The following RPRD2 variants were observed in gnomAD, a reference collection of about 807,000 sequenced individuals.
RPRD2 encodes the protein regulation of nuclear pre-mRNA domain containing 2.
Under a neutral mutation model 104.4 loss-of-function variants are expected in RPRD2, and 12 were observed. The observed-to-expected ratio is 0.11, with a 90% CI of 0.07 to 0.19. The LOEUF (loss-of-function observed/expected upper bound fraction) is 0.19, where lower values mean the gene tolerates loss of function less well. RPRD2 is among the 10% of genes least tolerant of loss of function. The probability of loss-of-function intolerance (pLI) is 1.00; values close to 1 mark genes in which losing one functional copy is unlikely to be tolerated. For missense variants in RPRD2, 1,543 were observed against 1,790.1 expected (o/e 0.86, Z 2.49); for synonymous variants, 714 against 684.9 (o/e 1.04, Z -0.66).
chr1:150,413,129 G>A (rs1255752367), intron 1 of RPRD2, among the ~76,000 whole-genome samples: 1 of 152,296 alleles, frequency 6.6e-6, no homozygotes, highest in Admixed American at 6.5e-5. Context: ...CCAGAAAACA[G>A]CAATAGTAGG....
At chr1:150,431,473 A>ATTTTTTTTGTTTTTTTTTTTTTTTTTTTT (rs1665570694) in intron 2 of RPRD2, among the ~76,000 whole-genome samples, 1 of 78,850 alleles carries the variant, frequency 1.3e-5, no homozygotes, top group South Asian at 6.2e-4. Flanking sequence ...AAAAGGAAGG[A>ATTTTTTTTGTTTTTTTTTTTTTTTTTTTT]TTTTTTTTTT....
intron 1 of RPRD2, among the ~76,000 whole-genome samples, chr1:150,368,078 C>T (rs1659974480): frequency 6.6e-6 from 1 of 152,058 alleles, no homozygotes; most frequent in South Asian, 2.1e-4. Context: ...TTACATTGAT[C>T]TGTAAGTCCT....
chr1:150,369,479 C>T (rs1302133622), intron 1 of RPRD2, among the ~76,000 whole-genome samples: 11 of 60,414 alleles, frequency 1.8e-4, no homozygotes, highest in African/African-American at 6.1e-4. Context: ...TTTTTTGAGA[C>T]GGAGTCTTGC....
At chr1:150,442,013 GA>G in intron 4 of RPRD2, 55 bp downstream of exon 4, 1 of 1,334,894 alleles carries the variant, frequency 7.5e-7, no homozygotes, top group Non-Finnish European at 1.0e-6. Context: ...TGGAGCAGAA[GA>G]AAATGTAGAC....
chr1:150,376,160 C>G (rs1369626315), intron 1 of RPRD2, among the ~76,000 whole-genome samples: 1 of 152,146 alleles, frequency 6.6e-6, no homozygotes, highest in Non-Finnish European at 1.5e-5. Flanking sequence ...AATAGAGGCT[C>G]TTTGATGAAG....
At position 150,472,820 on chromosome 1, in the gene RPRD2, C is replaced by T. The variant is rs1418200045; in HGVS notation, c.3872C>T (p.Thr1291Ile). Residue 1291 changes from threonine (T) to isoleucine (I), a missense_variant, in exon 11 of 11, where the codon ACT becomes ATT. Thr to Ile is a moderately conservative substitution (Grantham distance 89). Around this residue, in one of 4 missense-constraint regions of RPRD2, gnomAD observed 880 missense variants for 885.6 expected, o/e 0.99. Coordinates refer to ENST00000369068, the MANE Select transcript of RPRD2 (RefSeq NM_015203.5). ...SSGGSGVPFSTPPPPPPPVDH... is the reference protein window; with the variant it reads ...SSGGSGVPFSIPPPPPPPVDH... ...GGTGGGAGTGGTGTCCCCTTTTCTA[C>T]TCCACCCCCTCCTCCACCCCCTGTT... 9 of 1,608,914 alleles carry T rather than the reference C, an allele frequency of 5.6e-6. No homozygotes were observed. Among genetic ancestry groups the T allele is most frequent in the African/African-American group, 1.3e-5 (1 of 74,836 alleles).
intron 1 of RPRD2, among the ~76,000 whole-genome samples, chr1:150,371,013 T>G (rs587696113): frequency 2.0e-5 from 3 of 152,318 alleles, no homozygotes; most frequent in African/African-American, 7.2e-5. Context: ...CTCCTCTCCC[T>G]TAGTACTTTG....
chr1:150,365,802 G>T (rs1211886264), intron 1 of RPRD2, among the ~76,000 whole-genome samples: 1 of 152,018 alleles, frequency 6.6e-6, no homozygotes, highest in Non-Finnish European at 1.5e-5. Flanking sequence ...TTGTGGCCTG[G>T]CTGGTCTCGA....
At chr1:150,443,161 G>T (rs1666519028) in intron 4 of RPRD2, 70 bp from the exon 5 acceptor site, 2 of 1,074,276 alleles carry the variant, frequency 1.9e-6, no homozygotes, top group African/African-American at 3.1e-5. Flanking sequence ...TAACTATAGA[G>T]CTAAAATTTT....
chr1:150,411,338 G>T (rs1000626312), intron 1 of RPRD2, among the ~76,000 whole-genome samples: 5 of 144,258 alleles, frequency 3.5e-5, no homozygotes, highest in Admixed American at 7.1e-5. Flanking sequence ...ATGCGCACCC[G>T]TAGTCCCAGT....
At chr1:150,441,727 A>G in intron 3 of RPRD2, 154 bp from the exon 4 acceptor site, 2 of 538,408 alleles carry the variant, frequency 3.7e-6, no homozygotes. Context: ...TCGGGTAGGA[A>G]TTTCTATTTT....
chr1:150,423,778 A>C (rs1664921760), intron 2 of RPRD2, among the ~76,000 whole-genome samples: 1 of 147,632 alleles, frequency 6.8e-6, no homozygotes, highest in Non-Finnish European at 1.5e-5. Context: ...AAATATTCCG[A>C]AATCTGAAAA....
intron 2 of RPRD2, among the ~76,000 whole-genome samples, chr1:150,427,939 T>C (rs1453148539): frequency 6.6e-6 from 1 of 152,076 alleles, no homozygotes; most frequent in Non-Finnish European, 1.5e-5. Context: ...CTTTAAAATA[T>C]TTGAAGAAAA....
chr1:150,402,861 G>C (rs971976266), intron 1 of RPRD2, among the ~76,000 whole-genome samples: 5 of 152,124 alleles, frequency 3.3e-5, no homozygotes, highest in African/African-American at 1.2e-4. Flanking sequence ...CCAATTACTC[G>C]GGAGGCTGAG....
At chr1:150,426,702 G>T (rs1209671730) in intron 2 of RPRD2, among the ~76,000 whole-genome samples, 2 of 152,154 alleles carry the variant, frequency 1.3e-5, no homozygotes, top group Non-Finnish European at 2.9e-5. Flanking sequence ...TGTTTGCCAG[G>T]GACTGGGGTA....
chr1:150,426,679 GAGAAT>G (rs1437725027), intron 2 of RPRD2, among the ~76,000 whole-genome samples: 5 of 152,340 alleles, frequency 3.3e-5, no homozygotes, highest in African/African-American at 1.2e-4. Flanking sequence ...CATTGTAAGA[GAGAAT>G]AGAATAGTGT....
intron 7 of RPRD2, among the ~76,000 whole-genome samples, chr1:150,449,404 GTC>G (rs1667008138): frequency 6.6e-6 from 1 of 151,988 alleles, no homozygotes. Flanking sequence ...TTGGGTTTAA[GTC>G]TACCATCTTT....
intron 10 of RPRD2, among the ~76,000 whole-genome samples, chr1:150,470,093 A>G (rs1668501600): frequency 6.6e-6 from 1 of 152,078 alleles, no homozygotes; most frequent in African/African-American, 2.4e-5. Context: ...ATTAGAGATA[A>G]TAAGTTTGAA....
At position 150,365,037 on chromosome 1, in the gene RPRD2, A is replaced by T. The variant is rs962863702; in HGVS notation, c.205+118A>T. ...ATTTGGTTGGGGTTGTTCACATTAA[A>T]GGTTTGACCCCAGTGGTCCCAAACC... On this transcript the variant is annotated intron_variant, in intron 1 of 10. Transcript: ENST00000369068. 6.0e-6 allele frequency: 6 copies of T among 1,005,580 alleles called. No homozygotes were observed. The Admixed American group carries it at 8.3e-5, about 14-fold the overall frequency. The allele number at this position is 1,005,580 out of a possible 1,614,324, so 62.3% of individuals were successfully genotyped here. A position where few individuals can be genotyped will look rare whatever the true frequency, so the allele number is the denominator to read the frequency against.
Sources: allele counts gnomAD v4.1 joint callset (sites outside exome capture counted in the v4.1 genomes callset), GRCh38; gene constraint gnomAD v4.1.1; regional missense constraint gnomAD v4.1.1; transcripts MANE v1.5; gene names NCBI Gene and HGNC (gene_info 2026-07-23, HGNC 2026-07-21).